DNAAF1: variants seen among roughly 807,000 people sequenced by gnomAD.
DNAAF1 encodes dynein assembly factor 1, axonemal.
DNAAF1 carries 65 observed loss-of-function variants against 71.1 expected under a neutral mutation model. The ratio of observed to expected loss-of-function variants is 0.91; its 90% confidence interval spans 0.75 to 1.12. The LOEUF is 1.12. Among genes scored for constraint, DNAAF1 ranks in the 50% most tolerant of loss-of-function variants. The pLI, the probability that DNAAF1 is intolerant of heterozygous loss-of-function variation, is 0.00. For synonymous variants in DNAAF1, 414 were observed against 354.6 expected (o/e 1.17, Z -1.88); for missense variants, 1,178 against 899.8 (o/e 1.31, Z -3.96).
intron 5 of DNAAF1, among the ~76,000 whole-genome samples, chr16:84,157,203 T>C (rs1004250067): frequency 7.2e-5 from 11 of 152,100 alleles, no homozygotes; most frequent in African/African-American, 2.7e-4. Context: ...TAACTCTCGC[T>C]ATCACTTTAA....
chr16:84,170,441 G>T (rs995669713), intron 8 of DNAAF1, 85 bp downstream of exon 8: 1 of 1,594,052 alleles, frequency 6.3e-7, no homozygotes, highest in Non-Finnish European at 8.5e-7. Flanking sequence ...GGGACCTGGG[G>T]CCTGAGTTTC....
At chr16:84,153,210 C>G (rs1169157096) in intron 3 of DNAAF1, among the ~76,000 whole-genome samples, 1 of 152,054 alleles carries the variant, frequency 6.6e-6, no homozygotes, top group Non-Finnish European at 1.5e-5. Context: ...AGCAATATGG[C>G]AAATACTTCC....
chr16:84,174,281 G>C (rs2088537811), intron 9 of DNAAF1: 1 of 1,085,280 alleles, frequency 9.2e-7, no homozygotes, highest in Non-Finnish European at 1.1e-6. Flanking sequence ...GTTTTGGGGA[G>C]GTACAAAATA....
intron 5 of DNAAF1, among the ~76,000 whole-genome samples, chr16:84,156,681 C>G (rs2087439529): frequency 6.6e-6 from 1 of 152,180 alleles, no homozygotes; most frequent in African/African-American, 2.4e-5. Context: ...TTTTCTCACT[C>G]TCTCAGCATC....
intron 7 of DNAAF1, among the ~76,000 whole-genome samples, chr16:84,169,385 G>A (rs1418914625): frequency 2.0e-5 from 3 of 149,436 alleles, no homozygotes; most frequent in African/African-American, 7.4e-5. Flanking sequence ...CATGCCCAGC[G>A]CCTCGAGGAC....
At chr16:84,171,292 C>CA (rs1259320220) in intron 8 of DNAAF1, among the ~76,000 whole-genome samples, 6 of 151,930 alleles carry the variant, frequency 3.9e-5, no homozygotes, top group Non-Finnish European at 8.8e-5. Flanking sequence ...CAAGCCTCTA[C>CA]AAAAAACAAT....
In DNAAF1 at chr16:84,171,946, C is replaced by T. The variant is rs367738112; in HGVS notation, c.1529-314C>T. On this transcript the variant is annotated intron_variant, in intron 8 of 11. Transcript: ENST00000378553. The stretch of plus-strand genomic sequence containing the variant: ...AGGCTGGAGTGCAGTGGCACAATCT[C>T]GGCTCATTGCAACCTCCCTCTCCCA... Among the ~76,000 whole-genome samples the T allele has an allele frequency of 5.4e-4, 81 of 150,728 alleles. 1 individual carries two copies. Among genetic ancestry groups the T allele is most frequent in the African/African-American group, 1.7e-3 (68 of 40,960 alleles).
Position 84,165,843 on chromosome 16 carries a change from G to C in DNAAF1, c.924G>C (p.Gln308His). 1 of 1,613,708 alleles carries C rather than the reference G, an allele frequency of 6.2e-7. No homozygotes were observed. Among genetic ancestry groups the C allele is most frequent in the Non-Finnish European group, 8.5e-7 (1 of 1,179,960 alleles). ...GYAAEKEERQQWESRERKKIT... is the reference protein window; with the variant it reads ...GYAAEKEERQHWESRERKKIT... ...CAGCTGAAAAGGAGGAGAGACAGCA[G>C]TGGGAGAGCAGGGAGCGGAAGAAGA... The change falls in exon 7 of 12, where the codon CAG becomes CAC. Residue 308 changes from glutamine (Q) to histidine (H), a missense_variant. Gln to His is a conservative substitution (Grantham distance 24). Coordinates refer to ENST00000378553, the MANE Select transcript of DNAAF1 (RefSeq NM_178452.6).
intron 3 of DNAAF1, among the ~76,000 whole-genome samples, chr16:84,151,695 C>T (rs997827021): frequency 2.0e-5 from 3 of 152,188 alleles, no homozygotes; most frequent in Non-Finnish European, 4.4e-5. Context: ...ATCAGCTGGG[C>T]GGTTCTGGCT....
intron 1 of DNAAF1, 140 bp from the exon 2 acceptor site, chr16:84,148,867 G>T: frequency 4.1e-6 from 4 of 972,366 alleles, no homozygotes; most frequent in South Asian, 2.8e-5. Flanking sequence ...TGGGATTACA[G>T]GCCTGAGCCA....
chr16:84,176,282 T>C lies in DNAAF1; in HGVS notation c.2048T>C (p.Leu683Pro), dbSNP rs778385409. The C allele has an allele frequency of 5.6e-6, 9 of 1,613,318 alleles. No individual in the cohort carries two copies. Among genetic ancestry groups the C allele is most frequent in the South Asian group, 1.1e-5 (1 of 91,086 alleles). The change falls in exon 11 of 12, where the codon CTT becomes CCT. Residue 683 changes from leucine to proline, a missense_variant. Transcript: ENST00000378553. ...AGTGGAGACAGGGACAGCGACTTCCTTGCAGCCTCTTCTCCGGGTAAGAGC... is the reference window on the plus strand; with the variant it reads ...AGTGGAGACAGGGACAGCGACTTCCCTGCAGCCTCTTCTCCGGGTAAGAGC... ...TSSGDRDSDF[L>P]AASSPVPTES... is the part of the protein sequence containing the mutation.
chr16:84,152,890 T>C (rs997183076), intron 3 of DNAAF1, among the ~76,000 whole-genome samples: 1 of 150,602 alleles, frequency 6.6e-6, no homozygotes, highest in Non-Finnish European at 1.5e-5. Context: ...TCAGGAGGTG[T>C]AGGTTACAGT....
intron 7 of DNAAF1, among the ~76,000 whole-genome samples, chr16:84,167,243 G>A (rs1417593123): frequency 6.6e-6 from 1 of 152,184 alleles, no homozygotes; most frequent in Non-Finnish European, 1.5e-5. Context: ...ATGAAGTGGA[G>A]CTTAGGGAAG....
chr16:84,175,838 G>A, intron 10 of DNAAF1, 95 bp from the exon 11 acceptor site: 4 of 1,467,288 alleles, frequency 2.7e-6, no homozygotes, highest in Middle Eastern at 1.7e-4. Flanking sequence ...AATACTTTGT[G>A]ACATTGGGTG....
chr16:84,166,229 T>C (rs1207599705), intron 7 of DNAAF1, among the ~76,000 whole-genome samples: 1 of 151,874 alleles, frequency 6.6e-6, no homozygotes, highest in Non-Finnish European at 1.5e-5. Flanking sequence ...GTTTTTGTAT[T>C]TTTAGTAGAG....
chr16:84,155,583 C>A lies in DNAAF1; in HGVS notation c.575C>A (p.Ser192Tyr). The change falls in exon 5 of 12, where the codon TCC (serine) becomes TAC (tyrosine). Residue 192 changes from serine (S) to tyrosine (Y), a missense_variant and splice_region_variant. By Grantham distance (144) the Ser-to-Tyr change is moderately radical. Transcript: ENST00000378553. ...NNYIKTIENL[S>Y]CLPVLNTLQM... ...GACTTCTGCTGACCTTACCTTCCAG[C>A]CTGCCTCCCAGTCCTGAACACATTG... 1 of 1,614,050 alleles carries A rather than the reference C, an allele frequency of 6.2e-7. No individual in the cohort carries two copies. The highest frequency in any genetic ancestry group is 1.1e-5 in the South Asian group (1 of 91,080).
At chr16:84,151,531 G>A (rs1328416375) in intron 3 of DNAAF1, among the ~76,000 whole-genome samples, 1 of 152,226 alleles carries the variant, frequency 6.6e-6, no homozygotes, top group African/African-American at 2.4e-5. Flanking sequence ...GAACCAGTAA[G>A]TTTGACTGAG....
At chr16:84,162,796 G>T (rs1328881904) in intron 6 of DNAAF1, among the ~76,000 whole-genome samples, 1 of 151,960 alleles carries the variant, frequency 6.6e-6, no homozygotes, top group African/African-American at 2.4e-5. Flanking sequence ...TCCAGCCTGG[G>T]TGACAGTGGG....
chr16:84,163,710 A>G (rs1388117441), intron 6 of DNAAF1, among the ~76,000 whole-genome samples: 1 of 152,054 alleles, frequency 6.6e-6, no homozygotes. Context: ...TCTGGATGGT[A>G]TGCAGTGGTG....
Sources: allele counts gnomAD v4.1 joint callset (sites outside exome capture counted in the v4.1 genomes callset), GRCh38; gene constraint gnomAD v4.1.1; transcripts MANE v1.5; gene names NCBI Gene and HGNC (gene_info 2026-07-23, HGNC 2026-07-21).